The following PHC3 variants were observed in gnomAD, a reference collection of about 807,000 sequenced individuals.
The protein encoded by PHC3 is polyhomeotic homolog 3, also known as polyhomeotic-like protein 3.
A neutral mutation model predicts 107.4 loss-of-function variants in PHC3; 13 were observed. The observed-to-expected ratio is 0.12, with a 90% CI of 0.08 to 0.19. PHC3 has a LOEUF of 0.19. Among genes scored for constraint, PHC3 ranks in the 10% least tolerant of loss-of-function variants. The pLI, the probability that PHC3 is intolerant of heterozygous loss-of-function variation, is 1.00. For synonymous variants in PHC3, 456 were observed against 427.4 expected (o/e 1.07, Z -0.83); for missense variants, 992 against 1,210.9 (o/e 0.82, Z 2.68).
chr3:170,102,296 C>T (rs1286881113), intron 14 of PHC3, 183 bp downstream of exon 14: 1 of 985,216 alleles, frequency 1.0e-6, no homozygotes, highest in Admixed American at 6.2e-5. Flanking sequence ...TGAGAAAATA[C>T]CCAGTAGTGC....
chr3:170,103,141 T>A (rs1715801636), intron 12 of PHC3, among the ~76,000 whole-genome samples: 1 of 152,152 alleles, frequency 6.6e-6, no homozygotes, highest in African/African-American at 2.4e-5. Flanking sequence ...CCATAATATA[T>A]CTCTCAATAT....
intron 7 of PHC3, among the ~76,000 whole-genome samples, chr3:170,131,429 GTAAA>G (rs1722247967): frequency 6.6e-6 from 1 of 152,146 alleles, no homozygotes; most frequent in African/African-American, 2.4e-5. Context: ...TTACAGATAA[GTAAA>G]TAGATTTTTT....
At chr3:170,180,951 A>G (rs1402192009) in intron 1 of PHC3, among the ~76,000 whole-genome samples, 3 of 152,166 alleles carry the variant, frequency 2.0e-5, no homozygotes, top group African/African-American at 7.2e-5. Context: ...TAGGCATACT[A>G]ATACCTGCAA....
intron 11 of PHC3, among the ~76,000 whole-genome samples, 188 bp from the exon 12 acceptor site, chr3:170,107,134 G>A (rs1476317857): frequency 3.3e-5 from 5 of 152,036 alleles, no homozygotes; most frequent in African/African-American, 1.2e-4. Flanking sequence ...TCTTGCTTCT[G>A]CATAAAAATT....
At chr3:170,179,739 T>C (rs1319091573) in intron 1 of PHC3, among the ~76,000 whole-genome samples, 1 of 152,222 alleles carries the variant, frequency 6.6e-6, no homozygotes, top group African/African-American at 2.4e-5. Flanking sequence ...CTTGTTGTGG[T>C]ACAAAATTCC....
chr3:170,175,624 A>T (rs1315413640), intron 2 of PHC3, among the ~76,000 whole-genome samples: 2 of 141,568 alleles, frequency 1.4e-5, no homozygotes, highest in South Asian at 2.2e-4. Flanking sequence ...GGGAGAGAAG[A>T]AAAAAAAAAA....
chr3:170,102,272 C>T lies in PHC3; in HGVS notation c.2833+207G>A, dbSNP rs545156833. 11 of 985,334 alleles carry T rather than the reference C, an allele frequency of 1.1e-5. No homozygotes were observed. The Admixed American group carries it at 6.1e-4, about 55-fold the overall frequency. The allele number at this position is 985,334 out of a possible 1,614,324, so 61.0% of individuals were successfully genotyped here. Reference sequence around the variant, plus strand: ...AGAAGCAGGACTAGTCAGTTTTTATCGACTTGGGGGGTATGAGAAAATACC... The same window carrying T: ...AGAAGCAGGACTAGTCAGTTTTTATTGACTTGGGGGGTATGAGAAAATACC... On this transcript the variant is annotated intron_variant, in intron 14 of 14. Coordinates refer to ENST00000495893, the MANE Select transcript of PHC3 (RefSeq NM_024947.4).
At chr3:170,159,323 A>C (rs903409432) in intron 4 of PHC3, among the ~76,000 whole-genome samples, 2 of 152,122 alleles carry the variant, frequency 1.3e-5, no homozygotes, top group Non-Finnish European at 2.9e-5. Flanking sequence ...CCATAATAGA[A>C]AAACGGAATA....
rs189262136 is a variant in PHC3, at chr3:170,130,970, T to C, written c.920-1418A>G. ...AAGACTATATTATACCTTACATCTA[T>C]TTTTGTGTTCAACCACATTTGTGAC... On this transcript the variant is annotated intron_variant, in intron 7 of 14. Coordinates refer to ENST00000495893, the MANE Select transcript of PHC3 (RefSeq NM_024947.4). Among the ~76,000 whole-genome samples the C allele has an allele frequency of 1.9e-3, 288 of 152,262 alleles. 1 individual carries two copies. Among genetic ancestry groups the C allele is most frequent in the Admixed American group, 5.6e-3 (85 of 15,286 alleles).
At position 170,089,198 on chromosome 3, in the gene PHC3, T is replaced by C. The variant is rs979216510; in HGVS notation, c.*8032A>G. The C allele has an allele frequency of 4.6e-5, 7 of 152,096 alleles. No individual in the cohort carries two copies. Among genetic ancestry groups the C allele is most frequent in the East Asian group, 1.9e-4 (1 of 5,182 alleles). The allele number at this position is 152,096 out of a possible 1,614,324, so 9.4% of individuals were successfully genotyped here. A position where few individuals can be genotyped will look rare whatever the true frequency, so the allele number is the denominator to read the frequency against. ...CAAAACAAAAAAGCTAAAACAATGATAAACTATTTTTAATAGATATTTTCA... is the reference window on the plus strand; with the variant it reads ...CAAAACAAAAAAGCTAAAACAATGACAAACTATTTTTAATAGATATTTTCA... On this transcript the variant is annotated 3_prime_UTR_variant, in exon 15 of 15. Coordinates refer to ENST00000495893, the MANE Select transcript of PHC3 (RefSeq NM_024947.4).
intron 4 of PHC3, chr3:170,169,868 A>T (rs1729320303): frequency 6.6e-6 from 1 of 151,974 alleles, no homozygotes; most frequent in Non-Finnish European, 1.5e-5. Context: ...AATATTTACC[A>T]CTCCTTTCCT....
In PHC3 at chr3:170,097,169, T is replaced by C; in HGVS notation, c.*61A>G. The C allele has an allele frequency of 8.5e-6, 13 of 1,525,058 alleles. No individual in the cohort carries two copies. Among genetic ancestry groups the C allele is most frequent in the Non-Finnish European group, 1.2e-5 (13 of 1,125,512 alleles). The allele number at this position is 1,525,058 out of a possible 1,614,324, so 94.5% of individuals were successfully genotyped here. ...CATATTCTAGACCAAGTTAGGCCTT[T>C]ACCTTACAAGTTTTTGTGAGAAAAG... On this transcript the variant is annotated 3_prime_UTR_variant, in exon 15 of 15. Transcript: ENST00000495893. This position sits in a 1 kb window ranked among gnomAD's most constrained non-coding sequence, Gnocchi z 4.1.
At chr3:170,138,689 CAAAAAA>C (rs11284597) in intron 6 of PHC3, among the ~76,000 whole-genome samples, 1 of 81,332 alleles carries the variant, frequency 1.2e-5, no homozygotes, top group African/African-American at 4.6e-5. Flanking sequence ...GACTCTGTCT[CAAAAAA>C]AAAAAAAAAA....
chr3:170,154,870 G>A (rs921064977), intron 4 of PHC3, among the ~76,000 whole-genome samples: 1 of 152,178 alleles, frequency 6.6e-6, no homozygotes, highest in Non-Finnish European at 1.5e-5. Flanking sequence ...TTCCACAACT[G>A]ATAAGGCTCT....
In PHC3 at chr3:170,128,773, C is replaced by T. The variant is rs1721765587; in HGVS notation, c.1699G>A (p.Val567Ile). Residue 567 changes from valine to isoleucine, a missense_variant, in exon 8 of 15, where the codon GTC (valine) becomes ATC (isoleucine). By Grantham distance (29) the Val-to-Ile change is conservative. Coordinates refer to ENST00000495893, the MANE Select transcript of PHC3 (RefSeq NM_024947.4). ...EEELPAAEALVQLPFQTLPPP... is the reference protein window; with the variant it reads ...EEELPAAEALIQLPFQTLPPP... ...GGAAGAGTCTGAAATGGCAACTGGA[C>T]CAAAGCTTCTGCAGCTGGAAGTTCC... 6.2e-7 allele frequency: 1 copy of T among 1,613,854 alleles called. No homozygotes were observed. The highest frequency in any genetic ancestry group is 1.3e-5 in the African/African-American group (1 of 74,894).
intron 4 of PHC3, 109 bp from the exon 5 acceptor site, chr3:170,149,353 G>A: frequency 9.9e-7 from 1 of 1,008,602 alleles, no homozygotes; most frequent in South Asian, 2.3e-5. Context: ...TGTGGCTAAG[G>A]AACCCAAAGG....
At position 170,102,659 on chromosome 3, in the gene PHC3, A is replaced by C; in HGVS notation, c.2653T>G (p.Ser885Ala). 1 of 1,613,974 alleles carries C rather than the reference A, an allele frequency of 6.2e-7. No homozygotes were observed. The part of the protein sequence containing the change: ...AEEDLASHED[S>A]VPSAMTTRLR... ...CGAGTTGTCATAGCAGATGGCACAG[A>C]ATCTTCATGAGAAGCCAAGTCTTCT... is the stretch of plus-strand genomic sequence containing the variant. Residue 885 changes from serine (S) to alanine (A), a missense_variant, in exon 14 of 15, where the codon TCT becomes GCT. Physicochemically the swap from Ser to Ala is moderately conservative, Grantham distance 99 (BLOSUM62 1). This residue lies in a region of PHC3 where 228 missense variants were observed against 288.8 expected (regional missense o/e 0.79). Coordinates refer to ENST00000495893, the MANE Select transcript of PHC3 (RefSeq NM_024947.4).
intron 6 of PHC3, among the ~76,000 whole-genome samples, chr3:170,142,867 CA>C (rs570119220): frequency 2.0e-5 from 3 of 150,620 alleles, no homozygotes; most frequent in South Asian, 2.1e-4. Flanking sequence ...AAAACTAAAA[CA>C]AAAAAAAAGA....
chr3:170,158,069 C>T (rs1727175504), intron 4 of PHC3, among the ~76,000 whole-genome samples: 1 of 151,898 alleles, frequency 6.6e-6, no homozygotes, highest in African/African-American at 2.4e-5. Context: ...TCCTACTAAA[C>T]CCCACTGAAA....
Sources: allele counts gnomAD v4.1 joint callset (sites outside exome capture counted in the v4.1 genomes callset), GRCh38; gene constraint gnomAD v4.1.1; regional missense constraint gnomAD v4.1.1; non-coding constraint Gnocchi (gnomAD v3.1); transcripts MANE v1.5; gene names NCBI Gene and HGNC (gene_info 2026-07-23, HGNC 2026-07-21).